Variants in IL1RAPL1 observed in about 807,000 individuals in gnomAD.
IL1RAPL1 encodes interleukin 1 receptor accessory protein like 1.
Under a neutral mutation model 48.4 loss-of-function variants are expected in IL1RAPL1, and 3 were observed. That is an observed-to-expected ratio of 0.06 (90% CI 0.03 to 0.16). The LOEUF (loss-of-function observed/expected upper bound fraction) is 0.16, where lower values mean the gene tolerates loss of function less well. IL1RAPL1 is among the 10% of genes least tolerant of loss of function. IL1RAPL1 has a pLI of 1.00. For missense variants in IL1RAPL1, 349 were observed against 530.6 expected (o/e 0.66, Z 3.36); for synonymous variants, 185 against 187.7 (o/e 0.99, Z 0.12).
chrX:29,280,788 A>G (rs183253368), intron 2 of IL1RAPL1, among the ~76,000 whole-genome samples: 1 of 111,671 alleles, frequency 9.0e-6, no homozygotes, highest in East Asian at 2.8e-4. Flanking sequence ...TGTGAAAAAA[A>G]TACCAAGGCA....
intron 5 of IL1RAPL1, among the ~76,000 whole-genome samples, chrX:29,611,828 G>A (rs376123256): frequency 1.9e-4 from 21 of 110,797 alleles, no homozygotes; most frequent in African/African-American, 6.2e-4. Flanking sequence ...TGGGGAGCTC[G>A]AAAGGGTATG....
intron 2 of IL1RAPL1, among the ~76,000 whole-genome samples, chrX:29,043,628 G>A (rs1315777310): frequency 2.7e-5 from 3 of 111,074 alleles, no homozygotes; most frequent in South Asian, 3.9e-4. Context: ...CATCCCATGC[G>A]TTCTCCTTTA....
chrX:29,796,688 G>A (rs1929748163), intron 6 of IL1RAPL1, among the ~76,000 whole-genome samples: 1 of 112,256 alleles, frequency 8.9e-6, no homozygotes, highest in Non-Finnish European at 1.9e-5. Context: ...GCAAATGAAT[G>A]ATAATTAAAA....
chrX:28,996,428 A>G (rs963245884), intron 2 of IL1RAPL1, among the ~76,000 whole-genome samples: 2 of 111,620 alleles, frequency 1.8e-5, no homozygotes, highest in East Asian at 2.8e-4. Flanking sequence ...AATTTTTTGT[A>G]CAAGTCTTTG....
At chrX:29,910,695 G>A (rs1411113671) in intron 6 of IL1RAPL1, among the ~76,000 whole-genome samples, 2 of 111,586 alleles carry the variant, frequency 1.8e-5, no homozygotes, top group Non-Finnish European at 3.8e-5. Context: ...TGCATGCTAC[G>A]ATCCAATGAG....
chrX:29,785,996 G>A (rs1311003471), intron 6 of IL1RAPL1, among the ~76,000 whole-genome samples: 1 of 80,791 alleles, frequency 1.2e-5, no homozygotes, highest in African/African-American at 4.9e-5. Context: ...AAGCATTCAG[G>A]CTTCAGAGAT....
chrX:29,077,250 A>G (rs1387507634), intron 2 of IL1RAPL1, among the ~76,000 whole-genome samples: 1 of 111,875 alleles, frequency 8.9e-6, no homozygotes, highest in African/African-American at 3.3e-5. Flanking sequence ...GAAAAAGGCT[A>G]GCAGAGAAAA....
intron 2 of IL1RAPL1, among the ~76,000 whole-genome samples, chrX:29,258,944 G>C (rs1472855563): frequency 9.0e-6 from 1 of 111,513 alleles, no homozygotes; most frequent in Non-Finnish European, 1.9e-5. Context: ...ACATCATCAT[G>C]CCATTGGCAG....
At chrX:28,768,745 CTCTCTCTCTCTA>C (rs1475214086) in intron 1 of IL1RAPL1, among the ~76,000 whole-genome samples, 3 of 70,056 alleles carry the variant, frequency 4.3e-5, no homozygotes, top group African/African-American at 1.7e-4. Flanking sequence ...CTCTCTCTCT[CTCTCTCTCTCTA>C]TATATATATA....
intron 5 of IL1RAPL1, among the ~76,000 whole-genome samples, chrX:29,614,286 A>G (rs746912629): frequency 7.1e-5 from 8 of 112,116 alleles, no homozygotes; most frequent in Non-Finnish European, 1.5e-4. Flanking sequence ...TAGCTGTCCC[A>G]CATGAGACTC....
chrX:29,531,240 ACAAT>A (rs750235971), intron 5 of IL1RAPL1, among the ~76,000 whole-genome samples: 1 of 110,890 alleles, frequency 9.0e-6, no homozygotes, highest in East Asian at 2.8e-4. Context: ...CTTGAAAATG[ACAAT>A]CAGTTACTTA....
At chrX:29,084,166 G>A (rs1462698472) in intron 2 of IL1RAPL1, among the ~76,000 whole-genome samples, 1 of 111,545 alleles carries the variant, frequency 9.0e-6, no homozygotes, top group African/African-American at 3.3e-5. Context: ...TTTCATTACC[G>A]ACTCCCAAGC....
intron 2 of IL1RAPL1, among the ~76,000 whole-genome samples, chrX:28,873,861 A>AT (rs1485226351): frequency 9.1e-6 from 1 of 109,663 alleles, no homozygotes; most frequent in Non-Finnish European, 1.9e-5. Context: ...ATTAAGAAGA[A>AT]TATTGGTGGT....
At chrX:29,702,748 T>C (rs1244018130) in intron 6 of IL1RAPL1, among the ~76,000 whole-genome samples, 1 of 112,433 alleles carries the variant, frequency 8.9e-6, no homozygotes, top group Non-Finnish European at 1.9e-5. Flanking sequence ...TTTATCCCCA[T>C]TGACTAAAAC....
intron 1 of IL1RAPL1, among the ~76,000 whole-genome samples, chrX:28,663,543 G>C: frequency 8.9e-6 from 1 of 112,016 alleles, no homozygotes; most frequent in Non-Finnish European, 1.9e-5. Context: ...ATATATCTGT[G>C]ATGAATCAGA....
At chrX:28,950,835 CG>C (rs1303976516) in intron 2 of IL1RAPL1, among the ~76,000 whole-genome samples, 6 of 107,976 alleles carry the variant, frequency 5.6e-5, no homozygotes, top group African/African-American at 2.0e-4. Flanking sequence ...ATGTTTATTG[CG>C]GCACTATTCA....
chrX:29,489,580 C>G (rs1935134224), intron 5 of IL1RAPL1, among the ~76,000 whole-genome samples: 1 of 111,842 alleles, frequency 8.9e-6, no homozygotes. Flanking sequence ...ACAAGTAATA[C>G]ATTTTTTCTT....
At chrX:29,783,702 A>G (rs1331749469) in intron 6 of IL1RAPL1, among the ~76,000 whole-genome samples, 1 of 112,176 alleles carries the variant, frequency 8.9e-6, no homozygotes, top group Admixed American at 9.4e-5. Flanking sequence ...ATTTGAACCA[A>G]AAGTTATTTG....
intron 2 of IL1RAPL1, among the ~76,000 whole-genome samples, chrX:28,796,897 C>T (rs1030230611): frequency 3.6e-5 from 4 of 112,349 alleles, no homozygotes; most frequent in African/African-American, 1.3e-4. Context: ...GAGAGCCCCA[C>T]CCTTACACCA....
Sources: gnomAD v4.1 joint callset for allele counts (sites outside exome capture counted in the v4.1 genomes callset) on GRCh38, gnomAD v4.1.1 for gene constraint, MANE v1.5 for transcripts, NCBI Gene and HGNC (gene_info 2026-07-23, HGNC 2026-07-21) for gene names.